The following PRR5 variants were observed in gnomAD, a reference collection of about 807,000 sequenced individuals.
The protein encoded by PRR5 is proline rich 5.
Under a neutral mutation model 30.6 loss-of-function variants are expected in PRR5, and 25 were observed. The ratio of observed to expected loss-of-function variants is 0.82; its 90% CI spans 0.60 to 1.14. The LOEUF (loss-of-function observed/expected upper bound fraction) is 1.14. Ranked by LOEUF, PRR5 falls within the 50% of genes most tolerant of loss-of-function variation. The probability of loss-of-function intolerance (pLI) is 0.00; values close to 1 mark genes in which losing one functional copy is unlikely to be tolerated. For synonymous variants in PRR5, 286 were observed against 247.1 expected (o/e 1.16, Z -1.48); for missense variants, 600 against 547.1 (o/e 1.10, Z -0.96).
chr22:44,680,185 C>T lies in PRR5; in HGVS notation c.-11+2945C>T, dbSNP rs116977708. ...TGTGGCCCTTTAGGGTCACAGGGTC[C>T]AGGGTTCAAGTCCCAGCTCCACCAC... On this transcript the variant is annotated intron_variant, in intron 1 of 8. Coordinates refer to the PRR5 transcript ENST00000006251. 4.0e-3 allele frequency among the ~76,000 whole-genome samples: 604 copies of T among 152,308 alleles called. 2 individuals are homozygous for T. The highest frequency in any genetic ancestry group is 5.8e-3 in the South Asian group (28 of 4,830).
At chr22:44,702,183 C>CCCGCCCCTGGGCCCGCCCCCGGGT (rs1555898122), upstream of PRR5, 39 of 938,340 alleles carry the variant, frequency 4.2e-5, no homozygotes, top group Admixed American at 5.5e-5. Context: ...CGCCCCTGGG[C>CCCGCCCCTGGGCCCGCCCCCGGGT]CCGCCCCCGG....
At chr22:44,721,713 A>G (rs959525263) in intron 2 of PRR5, among the ~76,000 whole-genome samples, 1 of 152,140 alleles carries the variant, frequency 6.6e-6, no homozygotes, top group Non-Finnish European at 1.5e-5. Context: ...CTCCTGCTGT[A>G]TGTTCACATG....
intron 4 of PRR5, chr22:44,730,412 A>G: frequency 1.0e-6 from 1 of 985,366 alleles, no homozygotes; most frequent in Non-Finnish European, 1.2e-6. Context: ...AGCAGCCCTC[A>G]TCCCAGCTCC....
At chr22:44,696,501 G>C (rs985924476) in intron 1 of PRR5, among the ~76,000 whole-genome samples, 1 of 152,154 alleles carries the variant, frequency 6.6e-6, no homozygotes, top group Non-Finnish European at 1.5e-5. Flanking sequence ...GGTGTATTAA[G>C]ACCAGGGACC....
intron 1 of PRR5, among the ~76,000 whole-genome samples, chr22:44,704,655 GC>G (rs777838197): frequency 8.0e-4 from 122 of 152,078 alleles, no homozygotes; most frequent in Non-Finnish European, 1.0e-3. Context: ...CCCCAGGCCA[GC>G]CCCGTTCACT....
intron 2 of PRR5, among the ~76,000 whole-genome samples, chr22:44,720,574 G>A (rs899546988): frequency 1.3e-5 from 2 of 152,202 alleles, no homozygotes; most frequent in African/African-American, 2.4e-5. Context: ...TTGCCCGTCC[G>A]TTTAGCATTC....
chr22:44,708,060 G>A (rs572100524), intron 1 of PRR5, among the ~76,000 whole-genome samples: 12 of 152,240 alleles, frequency 7.9e-5, no homozygotes, highest in African/African-American at 2.2e-4. Context: ...CTGGCCAGGC[G>A]TGGTGGCTCA....
chr22:44,715,795 G>A (rs531707067), intron 2 of PRR5, among the ~76,000 whole-genome samples: 1 of 152,160 alleles, frequency 6.6e-6, no homozygotes, highest in African/African-American at 2.4e-5. Context: ...TGGGACTACA[G>A]GTAGGTACCA....
Position 44,720,606 on chromosome 22 carries a change from C to T in PRR5, c.216-4638C>T, listed in dbSNP as rs901566956. 2.6e-5 allele frequency among the ~76,000 whole-genome samples: 4 copies of T among 152,354 alleles called. No homozygotes were observed. The East Asian group carries it at 7.7e-4, about 29-fold the overall frequency. On this transcript the variant is annotated intron_variant, in intron 2 of 7. Coordinates refer to ENST00000336985, the MANE Select transcript of PRR5 (RefSeq NM_181333.4). ...ATTCATTGTGAGCACCCACTACTTA[C>T]ACGCTTGGGAGGTGGACGAGGCCTT...
At chr22:44,716,249 G>T (rs1929034872) in intron 2 of PRR5, among the ~76,000 whole-genome samples, 1 of 152,214 alleles carries the variant, frequency 6.6e-6, no homozygotes, top group Non-Finnish European at 1.5e-5. Flanking sequence ...TAAACTTTGA[G>T]CCCCTGGACA....
At chr22:44,694,848 C>T (rs983894511) in intron 1 of PRR5, among the ~76,000 whole-genome samples, 1 of 152,154 alleles carries the variant, frequency 6.6e-6, no homozygotes. Context: ...TAAAGCTTGA[C>T]AGGGAAGGTA....
chr22:44,707,238 G>A (rs567702113), intron 1 of PRR5, among the ~76,000 whole-genome samples: 65 of 152,342 alleles, frequency 4.3e-4, no homozygotes, highest in Admixed American at 8.5e-4. Context: ...CTTGGGCTGC[G>A]GGGCCAAGGT....
intron 7 of PRR5, among the ~76,000 whole-genome samples, chr22:44,736,105 C>T (rs1055899679): frequency 1.3e-5 from 2 of 152,340 alleles, no homozygotes; most frequent in South Asian, 2.1e-4. Flanking sequence ...GCCACCTGTG[C>T]CACTGCCTCC....
chr22:44,682,612 A>T (rs1738753069), intron 1 of PRR5, among the ~76,000 whole-genome samples: 2 of 152,310 alleles, frequency 1.3e-5, no homozygotes, highest in Middle Eastern at 3.4e-3. Context: ...TCAGATTTGA[A>T]TCCGGCACTT....
At chr22:44,697,240 G>A (rs1036072042), upstream of PRR5, among the ~76,000 whole-genome samples, 1 of 152,194 alleles carries the variant, frequency 6.6e-6, no homozygotes, top group African/African-American at 2.4e-5. Flanking sequence ...GAGTCACCGC[G>A]AGTACCCTGG....
At chr22:44,703,649 G>T (rs1439906666) in intron 1 of PRR5, among the ~76,000 whole-genome samples, 1 of 152,160 alleles carries the variant, frequency 6.6e-6, no homozygotes, top group African/African-American at 2.4e-5. Flanking sequence ...TGTGGGGAGG[G>T]CTGGTGTGGG....
intron 4 of PRR5, among the ~76,000 whole-genome samples, chr22:44,727,753 G>A (rs1180176466): frequency 6.6e-6 from 1 of 152,170 alleles, no homozygotes; most frequent in Non-Finnish European, 1.5e-5. Context: ...CCGGAGGCCT[G>A]GCATGTTCCA....
chr22:44,703,979 A>G (rs1926785459), intron 1 of PRR5, among the ~76,000 whole-genome samples: 1 of 152,228 alleles, frequency 6.6e-6, no homozygotes, highest in Admixed American at 6.5e-5. Context: ...AGAGTTAAAT[A>G]GACTTATTTC....
At chr22:44,679,898 C>A (rs747314824) in intron 1 of PRR5, 40 of 1,566,964 alleles carry the variant, frequency 2.6e-5, no homozygotes, top group Non-Finnish European at 3.5e-5. Context: ...GCCACTGTGC[C>A]GAAGGGTGGC....
Sources: gnomAD v4.1 joint callset for allele counts (sites outside exome capture counted in the v4.1 genomes callset) on GRCh38, gnomAD v4.1.1 for gene constraint, MANE v1.5 for transcripts, NCBI Gene and HGNC (gene_info 2026-07-23, HGNC 2026-07-21) for gene names.